Variants in DSG3 observed in about 807,000 individuals in gnomAD.
The protein encoded by DSG3 is desmoglein-3.
In DSG3, 63 loss-of-function variants were observed where a neutral mutation model predicts 85.9. The observed-to-expected ratio is 0.73, with a 90% CI of 0.60 to 0.90. The LOEUF is 0.90. Among genes scored for constraint, DSG3 ranks in the 40% least tolerant of loss-of-function variants. The pLI is 0.00. For synonymous variants in DSG3, 447 were observed against 441.9 expected (o/e 1.01, Z -0.14); for missense variants, 1,220 against 1,219.9 (o/e 1.00, Z 0.00).
intron 4 of DSG3, among the ~76,000 whole-genome samples, 200 bp downstream of exon 4, chr18:31,458,800 C>T (rs1014268933): frequency 2.6e-5 from 4 of 152,178 alleles, no homozygotes; most frequent in Admixed American, 2.6e-4. Flanking sequence ...TGAAATCTAG[C>T]ACGCCAAGTG....
chr18:31,472,448 G>A, intron 13 of DSG3, 25 bp downstream of exon 13: 2 of 1,598,060 alleles, frequency 1.3e-6, no homozygotes, highest in Non-Finnish European at 1.7e-6. Context: ...CATAAATTAT[G>A]TATTTCAATT....
At chr18:31,475,336 G>A (rs2072879821) in intron 15 of DSG3, among the ~76,000 whole-genome samples, 1 of 152,122 alleles carries the variant, frequency 6.6e-6, no homozygotes. Flanking sequence ...GAGAAAGGGA[G>A]GGGTTGTTTG....
At chr18:31,451,152 A>G (rs908829583) in intron 1 of DSG3, among the ~76,000 whole-genome samples, 1 of 152,184 alleles carries the variant, frequency 6.6e-6, no homozygotes, top group African/African-American at 2.4e-5. Flanking sequence ...TTTTGAGGAA[A>G]GGACTCATGG....
At position 31,476,074 on chromosome 18, in the gene DSG3, G is replaced by A. The variant is rs777643996; in HGVS notation, c.2814G>A (p.Ser938=). The A allele has an allele frequency of 1.9e-5, 31 of 1,614,030 alleles. No homozygotes were observed. In the East Asian group the frequency reaches 2.0e-4, roughly 10 times the overall value. Residue 938 remains serine, a synonymous_variant, in exon 16 of 16, where the codon TCG becomes TCA. Coordinates refer to ENST00000257189, the MANE Select transcript of DSG3 (RefSeq NM_001944.3). ...HGNYLVTETY[S]ASGSLVQPST... Reference sequence around the variant, plus strand: ...ACTATTTAGTAACGGAGACTTACTCGGCTTCTGGTTCCCTCGTGCAACCTT... The same window carrying A: ...ACTATTTAGTAACGGAGACTTACTCAGCTTCTGGTTCCCTCGTGCAACCTT...
Position 31,464,174 on chromosome 18 carries a change from T to C in DSG3, c.1063T>C (p.Phe355Leu). ...LSIAVKNKAE[F>L]HQSVISRYRV... The stretch of plus-strand genomic sequence containing the variant: ...TATTGCTGTCAAAAACAAAGCTGAA[T>C]TTCACCAATCAGTTATCTCTCGATA... The change falls in exon 9 of 16, where the codon TTT becomes CTT. Residue 355 changes from phenylalanine (F) to leucine (L), a missense_variant. Coordinates refer to ENST00000257189, the MANE Select transcript of DSG3 (RefSeq NM_001944.3). 6.2e-7 allele frequency: 1 copy of C among 1,614,084 alleles called. No individual in the cohort carries two copies. Among genetic ancestry groups the C allele is most frequent in the Non-Finnish European group, 8.5e-7 (1 of 1,179,982 alleles).
intron 11 of DSG3, among the ~76,000 whole-genome samples, chr18:31,467,109 G>A (rs936972019): frequency 2.0e-5 from 3 of 152,184 alleles, no homozygotes; most frequent in African/African-American, 7.2e-5. Context: ...GGGAGGCCAG[G>A]ATGGGAGGAT....
At chr18:31,450,413 C>T (rs986636069) in intron 1 of DSG3, among the ~76,000 whole-genome samples, 3 of 152,094 alleles carry the variant, frequency 2.0e-5, no homozygotes, top group Non-Finnish European at 4.4e-5. Context: ...TTGAAAAGTG[C>T]ATTTTGTGAA....
chr18:31,473,962 T>G (rs1033654061), intron 14 of DSG3, among the ~76,000 whole-genome samples, 159 bp from the exon 15 acceptor site: 17 of 152,208 alleles, frequency 1.1e-4, no homozygotes, highest in African/African-American at 4.1e-4. Flanking sequence ...GACTCTCACA[T>G]AACACATTGT....
At position 31,466,579 on chromosome 18, in the gene DSG3, T is replaced by C. The variant is rs912897936; in HGVS notation, c.1461T>C (p.Asp487=). 2 of 1,614,104 alleles carry C rather than the reference T, an allele frequency of 1.2e-6. No individual in the cohort carries two copies. The highest frequency in any genetic ancestry group is 2.2e-5 in the East Asian group (1 of 44,894). ...STGTVYVRVP[D]FNDNCPTAVL... is the part of the protein sequence containing the mutation. Reference sequence around the variant, plus strand: ...GCACGGTATATGTTAGAGTACCCGATTTCAATGACAATTGTCCAACAGCTG... The same window carrying C: ...GCACGGTATATGTTAGAGTACCCGACTTCAATGACAATTGTCCAACAGCTG... The change falls in exon 11 of 16, where the codon GAT becomes GAC. Residue 487 remains aspartate (D), a synonymous_variant. Coordinates refer to ENST00000257189, the MANE Select transcript of DSG3 (RefSeq NM_001944.3).
intron 3 of DSG3, among the ~76,000 whole-genome samples, chr18:31,457,573 CTT>C (rs377313127): frequency 1.8e-5 from 2 of 113,328 alleles, no homozygotes; most frequent in Non-Finnish European, 3.4e-5. Flanking sequence ...TTCTTTCTTT[CTT>C]TCTTTCTTTC....
Position 31,478,533 on chromosome 18 carries a change from T to C in DSG3, c.*2273T>C, listed in dbSNP as rs1407648442. ...ATCTTTAGGATGACTTAAAAATTGA[T>C]TTGCCATGTAAAATGTATCTGCATT... On this transcript the variant is annotated 3_prime_UTR_variant, in exon 16 of 16. Coordinates refer to ENST00000257189, the MANE Select transcript of DSG3 (RefSeq NM_001944.3). 6.6e-6 allele frequency: 1 copy of C among 152,206 alleles called. No individual in the cohort carries two copies. The highest frequency in any genetic ancestry group is 1.9e-4 in the East Asian group (1 of 5,202). 9.4% of individuals were successfully genotyped at this position (152,206 alleles called of 1,614,324 possible). A position where few individuals can be genotyped will look rare whatever the true frequency, so the allele number is the denominator to read the frequency against.
chr18:31,454,322 A>G (rs1281387330), intron 1 of DSG3, among the ~76,000 whole-genome samples: 1 of 152,216 alleles, frequency 6.6e-6, no homozygotes, highest in East Asian at 1.9e-4. Context: ...TTGTGCAGTT[A>G]CTACATTTAT....
Position 31,459,720 on chromosome 18 carries a change from T to G in DSG3, c.518-125T>G, listed in dbSNP as rs763621847. ...GTATCACAAGTGATATACAATTTTT[T>G]GAACATACAGATGATTTTAGGATAT... On this transcript the variant is annotated intron_variant, in intron 5 of 15. Coordinates refer to ENST00000257189, the MANE Select transcript of DSG3 (RefSeq NM_001944.3). 155 of 946,088 alleles carry G rather than the reference T, an allele frequency of 1.6e-4. 2 individuals carry two copies. The Middle Eastern group carries it at 2.6e-3, about 16-fold the overall frequency. The allele number at this position is 946,088 out of a possible 1,614,324, so 58.6% of individuals were successfully genotyped here. A position where few individuals can be genotyped will look rare whatever the true frequency, so the allele number is the denominator to read the frequency against.
intron 14 of DSG3, 56 bp from the exon 15 acceptor site, chr18:31,474,065 A>T (rs527370540): frequency 6.4e-7 from 1 of 1,550,588 alleles, no homozygotes; most frequent in African/African-American, 1.4e-5. Flanking sequence ...CCCATTTTAT[A>T]AAAATGCAAC....
chr18:31,451,274 TGCTATGA>T (rs1327646656), intron 1 of DSG3, among the ~76,000 whole-genome samples: 1 of 152,226 alleles, frequency 6.6e-6, no homozygotes, highest in African/African-American at 2.4e-5. Context: ...CATCCAACAC[TGCTATGA>T]GCATTTGGAC....
Position 31,447,913 on chromosome 18 carries a change from GGC to G in DSG3, c.37_38del (p.Ala13HisfsTer17). 6.3e-7 allele frequency: 1 copy of G among 1,584,466 alleles called. No individual in the cohort carries two copies. Among genetic ancestry groups the G allele is most frequent in the Admixed American group, 1.8e-5 (1 of 54,846 alleles). ...GLFPRTTGALAIFVVVILVHG... is the reference protein window; with the variant it reads ...GLFPRTTGALXIFVVVILVHG... Reference sequence around the variant, plus strand: ...TCTTCCCCAGAACTACAGGGGCTCTGGCCATCTTCGTGGTAAGTCCTGGATTT... The same window carrying G: ...TCTTCCCCAGAACTACAGGGGCTCTGCATCTTCGTGGTAAGTCCTGGATTT... On this transcript the variant is annotated frameshift_variant, in exon 1 of 16. Coordinates refer to ENST00000257189, the MANE Select transcript of DSG3 (RefSeq NM_001944.3). LOFTEE classifies it high-confidence loss of function.
intron 15 of DSG3, 150 bp downstream of exon 15, chr18:31,474,554 C>T (rs1057429134): frequency 9.9e-7 from 1 of 1,014,682 alleles, no homozygotes. Context: ...CAAAATAATA[C>T]AGATAACCTA....
chr18:31,461,681 A>G (rs552506690), intron 8 of DSG3, among the ~76,000 whole-genome samples: 4 of 152,280 alleles, frequency 2.6e-5, no homozygotes, highest in Non-Finnish European at 4.4e-5. Flanking sequence ...CTTTAAGCAC[A>G]TGGTCATATA....
At chr18:31,455,981 A>G (rs1003697321) in intron 1 of DSG3, among the ~76,000 whole-genome samples, 19 of 152,240 alleles carry the variant, frequency 1.2e-4, no homozygotes, top group African/African-American at 4.1e-4. Context: ...GGACTAATAC[A>G]GGATTGCCTT....
Sources: gnomAD v4.1 joint callset for allele counts (sites outside exome capture counted in the v4.1 genomes callset) on GRCh38, gnomAD v4.1.1 for gene constraint, MANE v1.5 for transcripts, NCBI Gene and HGNC (gene_info 2026-07-23, HGNC 2026-07-21) for gene names.